Variants in GPR83 observed in about 807,000 individuals in gnomAD.
GPR83 encodes the protein G protein-coupled receptor 83, also known as G-protein coupled receptor 72.
In GPR83, 23 loss-of-function variants were observed where a neutral mutation model predicts 28.0. The observed-to-expected ratio is 0.82, with a 90% CI of 0.59 to 1.16. The LOEUF (loss-of-function observed/expected upper bound fraction) is 1.16, where lower values mean the gene tolerates loss of function less well. GPR83 is among the 50% of genes most tolerant of loss of function. GPR83 has a pLI of 0.00. For missense variants in GPR83, 610 were observed against 536.6 expected (o/e 1.14, Z -1.35); for synonymous variants, 234 against 215.4 (o/e 1.09, Z -0.76).
intron 2 of GPR83, among the ~76,000 whole-genome samples, chr11:94,395,261 T>G (rs1379721120): frequency 2.0e-5 from 3 of 152,202 alleles, no homozygotes; most frequent in Non-Finnish European, 4.4e-5. Flanking sequence ...CTTTAGACAC[T>G]TCTATGAGAG....
intron 3 of GPR83, among the ~76,000 whole-genome samples, chr11:94,384,540 G>C (rs959908409): frequency 6.6e-6 from 1 of 152,218 alleles, no homozygotes; most frequent in Non-Finnish European, 1.5e-5. Flanking sequence ...AGCAGGGCAA[G>C]GCATCGCCTC....
At chr11:94,388,407 C>A (rs371407020) in intron 3 of GPR83, among the ~76,000 whole-genome samples, 1 of 151,996 alleles carries the variant, frequency 6.6e-6, no homozygotes, top group African/African-American at 2.4e-5. Context: ...ATGACATGAT[C>A]GTATATCTAG....
At chr11:94,381,386 G>GA (rs962906218) in intron 3 of GPR83, among the ~76,000 whole-genome samples, 2 of 151,792 alleles carry the variant, frequency 1.3e-5, no homozygotes, top group Admixed American at 1.3e-4. Context: ...TTTTAGGGGG[G>GA]AAAAAAAGTC....
rs61893687 is a variant in GPR83 at position 94,392,813 on chromosome 11, G to A, written c.647+672C>T. Among the ~76,000 whole-genome samples, 1,070 of 150,772 alleles carry A rather than the reference G, an allele frequency of 7.1e-3. 11 individuals are homozygous for A. Among genetic ancestry groups the A allele is most frequent in the Non-Finnish European group, 0.011 (766 of 67,752 alleles). ...TGTACTCCAGCCTGGGCAATAAAAC[G>A]AGACTCTGTCTCAAAAAAAAAAAAT... On this transcript the variant is annotated intron_variant, in intron 3 of 3. Transcript: ENST00000243673.
chr11:94,382,891 A>G (rs1009684429), intron 3 of GPR83, among the ~76,000 whole-genome samples: 1 of 152,162 alleles, frequency 6.6e-6, no homozygotes, highest in Non-Finnish European at 1.5e-5. Flanking sequence ...AAGGCCGGGC[A>G]CGGTGGCTCA....
At position 94,378,246 on chromosome 11, in the gene GPR83, A is replaced by T. The variant is rs930908896; in HGVS notation, c.*1903T>A. On this transcript the variant is annotated 3_prime_UTR_variant, in exon 4 of 4. Transcript: ENST00000243673. ...CTAGGATAAAGAACCCTCATAGTTC[A>T]TTACAGGGAAGCAGATGATGTGAGC... 1 of 152,230 alleles carries T rather than the reference A, an allele frequency of 6.6e-6. No homozygotes were observed. The highest frequency in any genetic ancestry group is 6.5e-5 in the Admixed American group (1 of 15,282). 9.4% of individuals were successfully genotyped at this position (152,230 alleles called of 1,614,324 possible). A position where few individuals can be genotyped will look rare whatever the true frequency, so the allele number is the denominator to read the frequency against.
Position 94,396,518 on chromosome 11 carries a change from A to G in GPR83, c.394T>C (p.Phe132Leu), listed in dbSNP as rs1165053119. 6.2e-7 allele frequency: 1 copy of G among 1,613,716 alleles called. No homozygotes were observed. Among genetic ancestry groups the G allele is most frequent in the Non-Finnish European group, 8.5e-7 (1 of 1,179,728 alleles). Residue 132 changes from phenylalanine (F) to leucine (L), a missense_variant, in exon 2 of 4, where the codon TTT becomes CTT. Transcript: ENST00000243673. ...CCAAATATCCATGTGCTGTTCACAA[A>G]GCGAACCTGGAGATGAGCCCAAAGA... ...LLNTPFTLVR[F>L]VNSTWIFGKG... is the part of the protein sequence containing the mutation.
intron 3 of GPR83, among the ~76,000 whole-genome samples, chr11:94,384,286 T>C (rs1176964480): frequency 6.6e-6 from 1 of 152,184 alleles, no homozygotes; most frequent in East Asian, 1.9e-4. Flanking sequence ...TTCAGCACCC[T>C]TTCATGCTAC....
chr11:94,399,791 G>A (rs147921266), intron 1 of GPR83, among the ~76,000 whole-genome samples: 1 of 152,262 alleles, frequency 6.6e-6, no homozygotes, highest in Non-Finnish European at 1.5e-5. Context: ...ACACACTAGA[G>A]AAACATGCAG....
chr11:94,397,114 TG>T (rs1944873782), intron 1 of GPR83, among the ~76,000 whole-genome samples: 1 of 152,182 alleles, frequency 6.6e-6, no homozygotes, highest in African/African-American at 2.4e-5. Flanking sequence ...TGGCAAATCT[TG>T]GCTAAACTGG....
Position 94,380,325 on chromosome 11 carries a change from G to C in GPR83, c.1096C>G (p.Pro366Ala). The C allele has an allele frequency of 6.2e-7, 1 of 1,612,708 alleles. No homozygotes were observed. The highest frequency in any genetic ancestry group is 8.5e-7 in the Non-Finnish European group (1 of 1,179,070). The change falls in exon 4 of 4, where the codon CCT becomes GCT. Residue 366 changes from proline to alanine, a missense_variant. Coordinates refer to ENST00000243673, the MANE Select transcript of GPR83 (RefSeq NM_016540.4). The stretch of plus-strand genomic sequence containing the variant: ...GGCCTGTCCTCCTGAGGCTTGGGAG[G>C]TCTTTGACACATGCTCAGTAATGCC... ...LKALLSMCQR[P>A]PKPQEDRPPS...
rs764329324 is a variant in GPR83 at position 94,400,935 on chromosome 11, C to T, written c.313G>A (p.Ala105Thr). 10 of 1,613,894 alleles carry T rather than the reference C, an allele frequency of 6.2e-6. No individual in the cohort carries two copies. The African/African-American group carries it at 9.3e-5, about 15-fold the overall frequency. Residue 105 changes from alanine (A) to threonine (T), a missense_variant, in exon 1 of 4, where the codon GCC becomes ACC. Ala to Thr is a moderately conservative substitution (Grantham distance 58). Coordinates refer to ENST00000243673, the MANE Select transcript of GPR83 (RefSeq NM_016540.4). ...VIFKNQRMHS[A>T]TSLFIVNLAV... ...AGGTTGACGATGAAGAGGCTGGTGG[C>T]CGAGTGCATTCGCTGGTTCTTGAAG...
At chr11:94,389,303 C>T (rs1299610307) in intron 3 of GPR83, among the ~76,000 whole-genome samples, 1 of 152,200 alleles carries the variant, frequency 6.6e-6, no homozygotes, top group African/African-American at 2.4e-5. Context: ...GCAACGGCAA[C>T]AAAAGCCAAA....
chr11:94,396,583 C>A, intron 1 of GPR83, 59 bp from the exon 2 acceptor site: 1 of 1,581,158 alleles, frequency 6.3e-7, no homozygotes, highest in Non-Finnish European at 8.7e-7. Context: ...ACACCCATCC[C>A]TAGAGGTCTC....
intron 2 of GPR83, 61 bp from the exon 3 acceptor site, chr11:94,393,679 G>A: frequency 6.4e-7 from 1 of 1,560,234 alleles, no homozygotes; most frequent in Non-Finnish European, 8.8e-7. Flanking sequence ...CAGAAATCTG[G>A]GTCAGGCGCA....
intron 3 of GPR83, among the ~76,000 whole-genome samples, chr11:94,383,782 G>A (rs1267669783): frequency 2.6e-5 from 4 of 152,112 alleles, no homozygotes; most frequent in African/African-American, 9.7e-5. Context: ...GTCTAAATCA[G>A]GAAGAAGTCA....
intron 3 of GPR83, among the ~76,000 whole-genome samples, chr11:94,389,779 A>G (rs1944796844): frequency 6.6e-6 from 1 of 152,210 alleles, no homozygotes; most frequent in Non-Finnish European, 1.5e-5. Flanking sequence ...TCAGGGATCT[A>G]GAACTAGAAA....
chr11:94,397,211 C>T (rs553859433), intron 1 of GPR83, among the ~76,000 whole-genome samples: 3 of 152,248 alleles, frequency 2.0e-5, no homozygotes, highest in Non-Finnish European at 2.9e-5. Flanking sequence ...CTCCCCAAAC[C>T]GTGTAGGGCC....
chr11:94,383,742 G>A (rs1944717609), intron 3 of GPR83, among the ~76,000 whole-genome samples: 2 of 152,114 alleles, frequency 1.3e-5, no homozygotes, highest in African/African-American at 2.4e-5. Flanking sequence ...AGAAGAAATG[G>A]ATAATTCCTG....
Sources: allele counts gnomAD v4.1 joint callset (sites outside exome capture counted in the v4.1 genomes callset), GRCh38; gene constraint gnomAD v4.1.1; transcripts MANE v1.5; gene names NCBI Gene and HGNC (gene_info 2026-07-23, HGNC 2026-07-21).